Variants in ZNF891 observed in about 807,000 individuals in gnomAD.
ZNF891 encodes zinc finger protein 891, also known as hCG1646157.
For synonymous variants in ZNF891, 199 were observed against 209.0 expected (o/e 0.95, Z 0.41); for missense variants, 589 against 632.7 (o/e 0.93, Z 0.74).
In ZNF891 at chr12:133,115,410, A is replaced by AAAAAAAAAAAAAAAAAAAAAAAAAAAT. The variant is rs1158375950; in HGVS notation, c.*4873_*4874insATTTTTTTTTTTTTTTTTTTTTTTTTT. 6.7e-6 allele frequency: 1 copy of AAAAAAAAAAAAAAAAAAAAAAAAAAAT among 149,664 alleles called. No individual in the cohort carries two copies. Among genetic ancestry groups the AAAAAAAAAAAAAAAAAAAAAAAAAAAT allele is most frequent in the Non-Finnish European group, 1.5e-5 (1 of 67,498 alleles). 9.3% of individuals were successfully genotyped at this position (149,664 alleles called of 1,614,324 possible). ...CTTCTCAAAAAAAAAAAAAAAAAAA[A>AAAAAAAAAAAAAAAAAAAAAAAAAAAT]AAAAAAGATGTGGGATAAAAGGTAT... On this transcript the variant is annotated 3_prime_UTR_variant, in exon 2 of 2. Transcript: ENST00000537226.
chr12:133,106,450 T>C lies in ZNF891; in HGVS notation c.*13834A>G. On this transcript the variant is annotated 3_prime_UTR_variant, in exon 2 of 2. Transcript: ENST00000537226. ...AACCCTATGCGTGTGCTGAATGTGA[T>C]AAAGCCTTCAGCCGGAGCTTTTCCC... The C allele has an allele frequency of 1.9e-6, 3 of 1,614,072 alleles. No individual in the cohort carries two copies. Among genetic ancestry groups the C allele is most frequent in the Non-Finnish European group, 1.7e-6 (2 of 1,179,998 alleles).
At position 133,120,224 on chromosome 12, in the gene ZNF891, G is replaced by T; in HGVS notation, c.*60C>A. On this transcript the variant is annotated 3_prime_UTR_variant, in exon 2 of 2. Transcript: ENST00000537226. ...CGTTCTTTTAGAGAACAAAGACTGA[G>T]ACAAGGAGCTTGGAATCCACCTTAA... The T allele has an allele frequency of 7.4e-7, 1 of 1,343,120 alleles. No homozygotes were observed. The highest frequency in any genetic ancestry group is 9.9e-7 in the Non-Finnish European group (1 of 1,010,806). 83.2% of individuals were successfully genotyped at this position (1,343,120 alleles called of 1,614,324 possible).
At chr12:133,123,066 T>C (rs1332971718) in intron 1 of ZNF891, among the ~76,000 whole-genome samples, 1 of 152,222 alleles carries the variant, frequency 6.6e-6, no homozygotes, top group African/African-American at 2.4e-5. Flanking sequence ...TTCTCACTTT[T>C]GGAAGACTAG....
chr12:133,121,185 T>C lies in ZNF891; in HGVS notation c.734A>G (p.Tyr245Cys), dbSNP rs763651971. ...AGTTGTATCACATTCATGACTTTCA[T>C]AGAGCTTCTCACTTATAGAGTTTTT... ...YVKNSISEKL[Y>C]ESHECDTTLW... The change falls in exon 2 of 2, where the codon TAT (tyrosine) becomes TGT (cysteine). Residue 245 changes from tyrosine (Y) to cysteine (C), a missense_variant. Transcript: ENST00000537226. The C allele has an allele frequency of 6.5e-6, 10 of 1,535,432 alleles. No homozygotes were observed. In the Middle Eastern group the frequency reaches 6.7e-4, roughly 102 times the overall value.
Position 133,121,716 on chromosome 12 carries a change from TAC to T in ZNF891, c.201_202del (p.Tyr68GlnfsTer9), listed in dbSNP as rs1566336677. ...ATAGTTTTCCAACATCACATCTCTG[TAC>T]AGACTTCTTTGAGCAGAATCCAGCA... On this transcript the variant is annotated frameshift_variant, in exon 2 of 2. Transcript: ENST00000537226. LOFTEE classifies it low-confidence loss of function (END_TRUNC). 1 of 1,536,700 alleles carries T rather than the reference TAC, an allele frequency of 6.5e-7. No homozygotes were observed. Among genetic ancestry groups the T allele is most frequent in the East Asian group, 2.4e-5 (1 of 40,916 alleles).
Position 133,120,832 on chromosome 12 carries a change from A to C in ZNF891, c.1087T>G (p.Leu363Val), listed in dbSNP as rs766076474. ...GTGTGAGTTCTTACATGTCTCCTTA[A>C]GGTTGAGGAATCATTGAACACTTTA... ...CGKVFNDSST[L>V]RRHVRTHTGE... The change falls in exon 2 of 2, where the codon TTA becomes GTA. Residue 363 changes from leucine to valine, a missense_variant. Physicochemically the swap from Leu to Val is conservative, Grantham distance 32 (BLOSUM62 1). Coordinates refer to ENST00000537226, the MANE Select transcript of ZNF891 (RefSeq NM_001277291.2). 4 of 1,558,618 alleles carry C rather than the reference A, an allele frequency of 2.6e-6. No individual in the cohort carries two copies. Among genetic ancestry groups the C allele is most frequent in the South Asian group, 1.2e-5 (1 of 84,948 alleles).
intron 1 of ZNF891, chr12:133,122,438 C>T (rs1955773555): frequency 6.3e-6 from 1 of 159,374 alleles, no homozygotes; most frequent in African/African-American, 2.4e-5. Context: ...TCTTCTATAA[C>T]TTGTTTACAA....
At position 133,108,798 on chromosome 12, in the gene ZNF891, G is replaced by A. The variant is rs1955658372; in HGVS notation, c.*11486C>T. On this transcript the variant is annotated 3_prime_UTR_variant, in exon 2 of 2. Coordinates refer to ENST00000537226, the MANE Select transcript of ZNF891 (RefSeq NM_001277291.2). ...CTTAAATTTTAATACTCTTGTAGGA[G>A]AAAAAGCAACTGTATAAATGAATGT... 6.6e-6 allele frequency: 1 copy of A among 152,148 alleles called. No homozygotes were observed. Among genetic ancestry groups the A allele is most frequent in the Admixed American group, 6.5e-5 (1 of 15,274 alleles). The allele number at this position is 152,148 out of a possible 1,614,324, so 9.4% of individuals were successfully genotyped here. A position where few individuals can be genotyped will look rare whatever the true frequency, so the allele number is the denominator to read the frequency against.
At chr12:133,130,148 C>T (rs1246623732) in intron 1 of ZNF891, 79 bp downstream of exon 1, 1 of 152,380 alleles carries the variant, frequency 6.6e-6, no homozygotes, top group African/African-American at 2.4e-5. Context: ...GATCCCTGCA[C>T]GCAGGAGAAC....
At position 133,116,185 on chromosome 12, in the gene ZNF891, A is replaced by G. The variant is rs1955714218; in HGVS notation, c.*4099T>C. 2 of 151,892 alleles carry G rather than the reference A, an allele frequency of 1.3e-5. No homozygotes were observed. Among genetic ancestry groups the G allele is most frequent in the African/African-American group, 4.8e-5 (2 of 41,310 alleles). The allele number at this position is 151,892 out of a possible 1,614,324, so 9.4% of individuals were successfully genotyped here. A position where few individuals can be genotyped will look rare whatever the true frequency, so the allele number is the denominator to read the frequency against. ...AGTGGTGCGATCTCGGCTTACCACA[A>G]CCTCTGCCTCCCGGGTTCACAGCAT... On this transcript the variant is annotated 3_prime_UTR_variant, in exon 2 of 2. Transcript: ENST00000537226.
intron 1 of ZNF891, among the ~76,000 whole-genome samples, chr12:133,125,207 G>T (rs1297230626): frequency 6.6e-6 from 1 of 152,040 alleles, no homozygotes; most frequent in Non-Finnish European, 1.5e-5. Context: ...CACTATATTG[G>T]CCAGGCTAAC....
rs1405099929 is a variant in ZNF891 at position 133,104,983 on chromosome 12, A to G, written c.*15301T>C. On this transcript the variant is annotated 3_prime_UTR_variant, in exon 2 of 2. Coordinates refer to ENST00000537226, the MANE Select transcript of ZNF891 (RefSeq NM_001277291.2). ...CCCTCAAATAGGTCCCAGAAAAGACATAATTATACCAAATATGAGCTTCAT... is the reference window on the plus strand; with the variant it reads ...CCCTCAAATAGGTCCCAGAAAAGACGTAATTATACCAAATATGAGCTTCAT... Among the ~76,000 whole-genome samples, 2 of 152,194 alleles carry G rather than the reference A, an allele frequency of 1.3e-5. No homozygotes were observed. Among genetic ancestry groups the G allele is most frequent in the African/African-American group, 2.4e-5 (1 of 41,454 alleles).
intron 1 of ZNF891, 107 bp from the exon 2 acceptor site, chr12:133,122,131 A>C: frequency 3.0e-6 from 4 of 1,335,600 alleles, no homozygotes; most frequent in Non-Finnish European, 3.8e-6. Flanking sequence ...ACCTCTCAGC[A>C]AGGTCTAACC....
intron 1 of ZNF891, among the ~76,000 whole-genome samples, chr12:133,125,019 T>C (rs1294305506): frequency 1.3e-5 from 2 of 151,882 alleles, no homozygotes; most frequent in African/African-American, 4.8e-5. Context: ...GCAAGGGATA[T>C]TGGAATTAAA....
Position 133,120,585 on chromosome 12 carries a change from G to C in ZNF891, c.1334C>G (p.Ser445Cys). The change falls in exon 2 of 2, where the codon TCT becomes TGT. Residue 445 changes from serine (S) to cysteine (C), a missense_variant. Ser to Cys is a moderately radical substitution (Grantham distance 112, BLOSUM62 -1). Coordinates refer to ENST00000537226, the MANE Select transcript of ZNF891 (RefSeq NM_001277291.2). ...SECGKAFNTS[S>C]HLKVHKKIHT... is the part of the protein sequence containing the mutation. ...AATTTTCTTATGAACTTTAAGGTGA[G>C]AGCTCGTGTTGAAGGCTTTTCCACA... 1 of 1,559,264 alleles carries C rather than the reference G, an allele frequency of 6.4e-7. No individual in the cohort carries two copies. The highest frequency in any genetic ancestry group is 8.7e-7 in the Non-Finnish European group (1 of 1,152,874).
Position 133,121,034 on chromosome 12 carries a change from T to C in ZNF891, c.885A>G (p.Glu295=), listed in dbSNP as rs1355983109. 32 of 1,535,676 alleles carry C rather than the reference T, an allele frequency of 2.1e-5. No homozygotes were observed. Among genetic ancestry groups the C allele is most frequent in the Non-Finnish European group, 2.6e-5 (30 of 1,146,874 alleles). The change falls in exon 2 of 2, where the codon GAA becomes GAG. Residue 295 remains glutamate (E), a synonymous_variant. Coordinates refer to ENST00000537226, the MANE Select transcript of ZNF891 (RefSeq NM_001277291.2). The part of the protein sequence containing the change: ...NNLHMAQNAC[E]CNKDETLCHQ... ...GACACAGCGTTTCATCTTTATTACA[T>C]TCACAGGCATTCTGTGCCATATGCA...
At chr12:133,126,974 T>C in intron 1 of ZNF891, among the ~76,000 whole-genome samples, 1 of 140,888 alleles carries the variant, frequency 7.1e-6, no homozygotes, top group Non-Finnish European at 1.6e-5. Context: ...GAAAACTTTT[T>C]TTTTTTTTTT....
In ZNF891 at chr12:133,108,089, A is replaced by G. The variant is rs755097095; in HGVS notation, c.*12195T>C. The stretch of plus-strand genomic sequence containing the variant: ...TGGTACATACATTTAGAAGCTTCTC[A>G]AGTTTCCATAAGAGTTGTTTCAGAG... On this transcript the variant is annotated 3_prime_UTR_variant, in exon 2 of 2. Transcript: ENST00000537226. The G allele has an allele frequency of 3.3e-5, 5 of 152,148 alleles. No homozygotes were observed. Among genetic ancestry groups the G allele is most frequent in the Admixed American group, 1.3e-4 (2 of 15,278 alleles). 9.4% of individuals were successfully genotyped at this position (152,148 alleles called of 1,614,324 possible). A position where few individuals can be genotyped will look rare whatever the true frequency, so the allele number is the denominator to read the frequency against.
At position 133,106,841 on chromosome 12, in the gene ZNF891, ACT is replaced by A. The variant is rs1955618527; in HGVS notation, c.*13441_*13442del. On this transcript the variant is annotated 3_prime_UTR_variant, in exon 2 of 2. Transcript: ENST00000537226. ...ATATGTGGAAAAGCCATTAATAACC[ACT>A]CTTTTATTTTTTTGCAATAACAAGG... 1 of 454,666 alleles carries A rather than the reference ACT, an allele frequency of 2.2e-6. No individual in the cohort carries two copies. The highest frequency in any genetic ancestry group is 3.8e-6 in the Non-Finnish European group (1 of 263,768). The allele number at this position is 454,666 out of a possible 1,614,324, so 28.2% of individuals were successfully genotyped here.
Sources: allele counts gnomAD v4.1 joint callset (sites outside exome capture counted in the v4.1 genomes callset), GRCh38; gene constraint gnomAD v4.1.1; transcripts MANE v1.5; gene names NCBI Gene and HGNC (gene_info 2026-07-23, HGNC 2026-07-21).